KDM5A: variants seen among roughly 807,000 people sequenced by gnomAD.
KDM5A encodes the protein lysine-specific demethylase 5A.
KDM5A carries 42 observed loss-of-function variants against 193.5 expected under a neutral mutation model. The observed-to-expected ratio is 0.22, with a 90% confidence interval of 0.17 to 0.28. KDM5A has a LOEUF of 0.28. KDM5A is among the 10% of genes least tolerant of loss of function. KDM5A has a pLI of 1.00. For missense variants in KDM5A, 1,692 were observed against 2,055.1 expected (o/e 0.82, Z 3.42); for synonymous variants, 796 against 718.1 (o/e 1.11, Z -1.73).
At chr12:296,996 TG>T (rs1943381707) in intron 25 of KDM5A, 44 bp downstream of exon 25, 1 of 1,588,036 alleles carries the variant, frequency 6.3e-7, no homozygotes, top group South Asian at 1.1e-5. Context: ...TTTTTCTCAT[TG>T]GTTTTCTGCT....
chr12:388,308 T>C (rs1329868291), intron 1 of KDM5A: 3 of 455,846 alleles, frequency 6.6e-6, no homozygotes, highest in Non-Finnish European at 1.3e-5. Flanking sequence ...AAATCGTTGA[T>C]CTTGAGTTCC....
intron 24 of KDM5A, among the ~76,000 whole-genome samples, chr12:305,750 C>T (rs894393824): frequency 6.6e-6 from 1 of 152,142 alleles, no homozygotes; most frequent in South Asian, 2.1e-4. Context: ...CCAACTGGAT[C>T]CAACACAAAA....
intron 10 of KDM5A, among the ~76,000 whole-genome samples, chr12:337,646 CTTTT>C (rs61446610): frequency 7.1e-6 from 1 of 140,624 alleles, no homozygotes; most frequent in African/African-American, 2.6e-5. Context: ...TATTTCTAAA[CTTTT>C]TTTTTTTTTT....
intron 1 of KDM5A, 62 bp downstream of exon 1, chr12:388,865 A>C: frequency 7.7e-6 from 12 of 1,551,274 alleles, no homozygotes; most frequent in Non-Finnish European, 9.8e-6. Flanking sequence ...AGTAAAGCTA[A>C]ACCCAGTGTA....
Position 364,426 on chromosome 12 carries a change from G to A in KDM5A, c.538-1329C>T, listed in dbSNP as rs141382796. On this transcript the variant is annotated intron_variant, in intron 4 of 27. Transcript: ENST00000399788. ...CGGGAGGCGGAGGCTGCAGTGAGCC[G>A]AGTTCACGCCACTGCACTCCAGCCT... 3.7e-3 allele frequency among the ~76,000 whole-genome samples: 566 copies of A among 151,300 alleles called. 12 individuals carry two copies. The East Asian group carries it at 0.068, about 18-fold the overall frequency.
chr12:280,998 A>G lies in KDM5A; in HGVS notation c.*4458T>C, dbSNP rs1338252981. 3 of 232,930 alleles carry G rather than the reference A, an allele frequency of 1.3e-5. No homozygotes were observed. Among genetic ancestry groups the G allele is most frequent in the African/African-American group, 2.2e-5 (1 of 45,346 alleles). 14.4% of individuals were successfully genotyped at this position (232,930 alleles called of 1,614,324 possible). The stretch of plus-strand genomic sequence containing the variant: ...TCACTAGTTTTCCTCAGGATTATCA[A>G]TACTCATTATCAAAATGTACTTTTG... On this transcript the variant is annotated 3_prime_UTR_variant, in exon 28 of 28. Transcript: ENST00000399788.
At chr12:366,954 G>C (rs1325917572) in intron 3 of KDM5A, among the ~76,000 whole-genome samples, 4 of 152,064 alleles carry the variant, frequency 2.6e-5, no homozygotes, top group Non-Finnish European at 1.5e-5. Context: ...ACTTACCATT[G>C]TGTTACACTG....
intron 3 of KDM5A, among the ~76,000 whole-genome samples, chr12:381,779 A>C (rs1366463574): frequency 3.3e-5 from 5 of 151,188 alleles, no homozygotes; most frequent in Non-Finnish European, 5.9e-5. Context: ...CTAATTTTAA[A>C]ATGTATCATA....
intron 3 of KDM5A, among the ~76,000 whole-genome samples, chr12:373,700 T>G (rs1162182655): frequency 2.6e-5 from 4 of 152,358 alleles, no homozygotes. Context: ...CTTTCCTGCT[T>G]TCTCTTGTGG....
rs77963094 is a variant in KDM5A at position 334,713 on chromosome 12, C to T, written c.1309-291G>A. Reference sequence around the variant, plus strand: ...GCCAATCAGGAAAACAGTATGAGACCCATCTTAATACAACATCACTATTTC... The same window carrying T: ...GCCAATCAGGAAAACAGTATGAGACTCATCTTAATACAACATCACTATTTC... On this transcript the variant is annotated intron_variant, in intron 10 of 27. Coordinates refer to ENST00000399788, the MANE Select transcript of KDM5A (RefSeq NM_001042603.3). Among the ~76,000 whole-genome samples the T allele has an allele frequency of 2.9e-3, 449 of 152,234 alleles. 1 individual carries two copies. The highest frequency in any genetic ancestry group is 0.01 in the African/African-American group (428 of 41,538).
rs1943525298 is a variant in KDM5A, at chr12:307,608, C to G, written c.3776G>C (p.Arg1259Thr). The G allele has an allele frequency of 1.2e-6, 2 of 1,614,064 alleles. No individual in the cohort carries two copies. Among genetic ancestry groups the G allele is most frequent in the Non-Finnish European group, 1.7e-6 (2 of 1,180,036 alleles). The change falls in exon 23 of 28, where the codon AGA becomes ACA. Residue 1259 changes from arginine (R) to threonine (T), a missense_variant. Transcript: ENST00000399788. This position sits in a 1 kb window ranked among gnomAD's most constrained non-coding sequence, Gnocchi z 4.3. ...ATCTGTGGCTAGAGCCTGCCGCGCT[C>G]TATCTTGCCAACTCATAGCACGTTC... ...LTERAMSWQD[R>T]ARQALATDEL...
intron 21 of KDM5A, among the ~76,000 whole-genome samples, chr12:310,671 C>T (rs1943572779): frequency 6.6e-6 from 1 of 152,012 alleles, no homozygotes; most frequent in Non-Finnish European, 1.5e-5. Flanking sequence ...GACTAGAGTC[C>T]AATAACAAGC....
chr12:308,303 G>A (rs1254218024), intron 22 of KDM5A, among the ~76,000 whole-genome samples: 4 of 152,180 alleles, frequency 2.6e-5, no homozygotes, highest in Non-Finnish European at 5.9e-5. Context: ...TGTACTTTTA[G>A]ACTGTTAATA....
At chr12:375,853 CCT>C (rs764755068) in intron 3 of KDM5A, among the ~76,000 whole-genome samples, 40 of 152,290 alleles carry the variant, frequency 2.6e-4, no homozygotes, top group African/African-American at 6.7e-4. Flanking sequence ...CACTCCAGAC[CCT>C]GTTTGCCTGT....
At chr12:289,903 C>CTTTTTTTTT (rs1943269398) in intron 27 of KDM5A, among the ~76,000 whole-genome samples, 1 of 106,740 alleles carries the variant, frequency 9.4e-6, no homozygotes, top group African/African-American at 4.0e-5. Flanking sequence ...TTTTTTCTTT[C>CTTTTTTTTT]TTTCTTTTTT....
chr12:292,996 G>A lies in KDM5A; in HGVS notation c.4629C>T (p.Asp1543=). The change falls in exon 27 of 28, where the codon GAC becomes GAT. Residue 1543 remains aspartate (D), a synonymous_variant. Transcript: ENST00000399788. ...CCAGTTTATTCAGCTCCTTTGATTTGTCTGCACCTAATTTTAATTTCTTCT... is the reference window on the plus strand; with the variant it reads ...CCAGTTTATTCAGCTCCTTTGATTTATCTGCACCTAATTTTAATTTCTTCT... ...PRKKKLKLGA[D]KSKELNKLAK... 1.4e-5 allele frequency: 23 copies of A among 1,595,284 alleles called. No homozygotes were observed. Among genetic ancestry groups the A allele is most frequent in the Non-Finnish European group, 1.9e-5 (22 of 1,175,698 alleles).
At chr12:379,680 T>C (rs1372999534) in intron 3 of KDM5A, among the ~76,000 whole-genome samples, 1 of 152,166 alleles carries the variant, frequency 6.6e-6, no homozygotes, top group Non-Finnish European at 1.5e-5. Flanking sequence ...TTCTCACAGG[T>C]TGGGGAAAGA....
chr12:322,435 C>A lies in KDM5A; in HGVS notation c.2408G>T (p.Ser803Ile). ...TCASVAQLLL[S>I]KKQKHRQSPD... ...GGTTTACCTGTGTTTCTGCTTTTTG[C>A]TCAGAAGCAGCTGAGCCACAGAAGC... Residue 803 changes from serine (S) to isoleucine (I), a missense_variant, in exon 17 of 28, where the codon AGC becomes ATC. Around this residue, in one of 11 missense-constraint regions of KDM5A, gnomAD observed 965 missense variants for 1,061.0 expected, o/e 0.91. Coordinates refer to ENST00000399788, the MANE Select transcript of KDM5A (RefSeq NM_001042603.3). 6.2e-7 allele frequency: 1 copy of A among 1,612,698 alleles called. No individual in the cohort carries two copies. The highest frequency in any genetic ancestry group is 8.5e-7 in the Non-Finnish European group (1 of 1,179,922).
In KDM5A at chr12:295,570, C is replaced by T. The variant is rs778487465; in HGVS notation, c.4455+3G>A. Reference sequence around the variant, plus strand: ...ACTGTTTAAATAAGTATTAAATCCACACCTCCATGATATGCAAGAATCTGT... The same window carrying T: ...ACTGTTTAAATAAGTATTAAATCCATACCTCCATGATATGCAAGAATCTGT... On this transcript the variant is annotated splice_donor_region_variant and intron_variant, in intron 26 of 27. Coordinates refer to ENST00000399788, the MANE Select transcript of KDM5A (RefSeq NM_001042603.3). 2 of 1,613,192 alleles carry T rather than the reference C, an allele frequency of 1.2e-6. No homozygotes were observed. Among genetic ancestry groups the T allele is most frequent in the Non-Finnish European group, 8.5e-7 (1 of 1,179,130 alleles).
Sources: allele counts gnomAD v4.1 joint callset (sites outside exome capture counted in the v4.1 genomes callset), GRCh38; gene constraint gnomAD v4.1.1; regional missense constraint gnomAD v4.1.1; non-coding constraint Gnocchi (gnomAD v3.1); transcripts MANE v1.5; gene names NCBI Gene and HGNC (gene_info 2026-07-23, HGNC 2026-07-21).